SNX6: variants seen among roughly 807,000 people sequenced by gnomAD.
SNX6 encodes sorting nexin-6.
SNX6 carries 34 observed loss-of-function variants against 63.0 expected under a neutral mutation model. The ratio of observed to expected loss-of-function variants is 0.54; its 90% CI spans 0.41 to 0.72. SNX6 has a LOEUF of 0.72. Among genes scored for constraint, SNX6 ranks in the 30% least tolerant of loss-of-function variants. SNX6 has a pLI of 0.00. For synonymous variants in SNX6, 170 were observed against 164.2 expected (o/e 1.04, Z -0.27); for missense variants, 398 against 471.4 (o/e 0.84, Z 1.44).
At chr14:34,596,907 A>G (rs1882627230) in intron 7 of SNX6, among the ~76,000 whole-genome samples, 1 of 152,010 alleles carries the variant, frequency 6.6e-6, no homozygotes, top group African/African-American at 2.4e-5. Flanking sequence ...CCTGACCTCA[A>G]ATGATCCACC....
chr14:34,581,502 A>G (rs1881933100), intron 10 of SNX6, 59 bp downstream of exon 10: 2 of 1,003,196 alleles, frequency 2.0e-6, no homozygotes, highest in Non-Finnish European at 3.0e-6. Context: ...AAAAACCTTT[A>G]ACATGAGCTC....
At chr14:34,611,493 A>AG (rs1341236820) in intron 2 of SNX6, among the ~76,000 whole-genome samples, 5 of 150,698 alleles carry the variant, frequency 3.3e-5, no homozygotes, top group East Asian at 2.0e-4. Flanking sequence ...AAAAAAAAAA[A>AG]GGGGGGGAGG....
At chr14:34,600,477 T>G (rs1180469910) in intron 6 of SNX6, among the ~76,000 whole-genome samples, 1 of 150,874 alleles carries the variant, frequency 6.6e-6, no homozygotes, top group African/African-American at 2.4e-5. Context: ...CAGGTCTCAC[T>G]ATGTTGCCCA....
At chr14:34,600,341 G>A (rs1430306304) in intron 6 of SNX6, among the ~76,000 whole-genome samples, 1 of 152,118 alleles carries the variant, frequency 6.6e-6, no homozygotes, top group Non-Finnish European at 1.5e-5. Flanking sequence ...GCCCAGGCTG[G>A]TCTTGAACTA....
chr14:34,578,937 C>CAAAAAAAAAAAAAAAAAAA lies in SNX6; in HGVS notation c.834+2605_834+2623dup. Among the ~76,000 whole-genome samples the CAAAAAAAAAAAAAAAAAAA allele has an allele frequency of 3.5e-4, 8 of 22,540 alleles. 1 individual carries two copies. The highest frequency in any genetic ancestry group is 5.6e-4 in the Non-Finnish European group (6 of 10,786). The allele number at this position is 22,540 out of a possible 152,430, so 14.8% of individuals were successfully genotyped here. A position where few individuals can be genotyped will look rare whatever the true frequency, so the allele number is the denominator to read the frequency against. ...CTGGCGACAGAGCGAGACTTCATCT[C>CAAAAAAAAAAAAAAAAAAA]AAAAAAAAAAAAAAAAAAAAAAAAA... On this transcript the variant is annotated intron_variant, in intron 10 of 13. Transcript: ENST00000362031.
At chr14:34,622,176 G>A (rs1162728330) in intron 2 of SNX6, among the ~76,000 whole-genome samples, 3 of 149,542 alleles carry the variant, frequency 2.0e-5, no homozygotes, top group East Asian at 2.0e-4. Context: ...TGGCCAGGCT[G>A]GTGTTGAACT....
chr14:34,592,389 A>G (rs531302079), intron 8 of SNX6, among the ~76,000 whole-genome samples: 23 of 149,892 alleles, frequency 1.5e-4, no homozygotes, highest in African/African-American at 5.1e-4. Context: ...TGTCTCAAAG[A>G]AAAAAAAAAG....
intron 5 of SNX6, chr14:34,603,987 G>A (rs1882921343): frequency 4.2e-6 from 2 of 477,098 alleles, no homozygotes; most frequent in African/African-American, 2.1e-5. Context: ...CCAAAGAAAT[G>A]TGTTTAAAAT....
intron 10 of SNX6, among the ~76,000 whole-genome samples, chr14:34,579,158 T>C (rs1014058352): frequency 2.0e-5 from 3 of 151,992 alleles, no homozygotes; most frequent in Non-Finnish European, 4.4e-5. Context: ...ATATGATCCA[T>C]CAATTCCCCT....
At chr14:34,575,987 T>C (rs1165287740) in intron 10 of SNX6, 145 bp from the exon 11 acceptor site, 7 of 349,584 alleles carry the variant, frequency 2.0e-5, no homozygotes, top group Admixed American at 4.6e-5. Context: ...GCAGTGGCGC[T>C]ATCTTGGCTC....
intron 2 of SNX6, among the ~76,000 whole-genome samples, chr14:34,611,340 A>G (rs1257882162): frequency 6.6e-6 from 1 of 152,160 alleles, no homozygotes; most frequent in Non-Finnish European, 1.5e-5. Flanking sequence ...AGCCGGGCAC[A>G]TGTTGTACAC....
intron 2 of SNX6, among the ~76,000 whole-genome samples, chr14:34,611,748 CAAAAAAAAA>C (rs1171892665): frequency 1.9e-5 from 2 of 107,160 alleles, no homozygotes; most frequent in African/African-American, 3.6e-5. Context: ...GACACTGTCT[CAAAAAAAAA>C]AAAAAAAAAA....
At chr14:34,622,978 TTTAC>T (rs1594752487) in intron 2 of SNX6, among the ~76,000 whole-genome samples, 1 of 152,208 alleles carries the variant, frequency 6.6e-6, no homozygotes, top group African/African-American at 2.4e-5. Flanking sequence ...TCATTATGTC[TTTAC>T]TACTACCCCT....
At chr14:34,598,846 T>C (rs1272588519) in intron 6 of SNX6, among the ~76,000 whole-genome samples, 2 of 152,152 alleles carry the variant, frequency 1.3e-5, no homozygotes, top group Non-Finnish European at 2.9e-5. Flanking sequence ...ACTGCACCTG[T>C]GAATAGCCAC....
At chr14:34,577,787 C>T (rs959642599) in intron 10 of SNX6, among the ~76,000 whole-genome samples, 1 of 152,048 alleles carries the variant, frequency 6.6e-6, no homozygotes, top group Non-Finnish European at 1.5e-5. Context: ...AAGGGAGAAT[C>T]ATTAGTAACA....
chr14:34,568,197 T>C (rs1275077747), intron 11 of SNX6, among the ~76,000 whole-genome samples, 184 bp from the exon 12 acceptor site: 2 of 150,816 alleles, frequency 1.3e-5, no homozygotes, highest in Non-Finnish European at 2.9e-5. Flanking sequence ...CAGGCTGGAA[T>C]GCAATGGCGT....
At chr14:34,616,019 G>C (rs1883406762) in intron 2 of SNX6, among the ~76,000 whole-genome samples, 1 of 152,182 alleles carries the variant, frequency 6.6e-6, no homozygotes, top group Non-Finnish European at 1.5e-5. Context: ...GCAGTGGCGT[G>C]ATCTTGGCTC....
intron 8 of SNX6, among the ~76,000 whole-genome samples, chr14:34,592,474 T>C (rs769121990): frequency 6.6e-6 from 1 of 152,170 alleles, no homozygotes; most frequent in African/African-American, 2.4e-5. Context: ...TGTATGTAAT[T>C]ACGCAGCAGC....
intron 9 of SNX6, among the ~76,000 whole-genome samples, chr14:34,584,938 C>A (rs7152864): frequency 0.074 from 11,225 of 151,858 alleles, 884 homozygotes; most frequent in African/African-American, 0.2. Context: ...ACGCAACCTT[C>A]GTCTCCTGGG....
Sources: gnomAD v4.1 joint callset for allele counts (sites outside exome capture counted in the v4.1 genomes callset) on GRCh38, gnomAD v4.1.1 for gene constraint, MANE v1.5 for transcripts, NCBI Gene and HGNC (gene_info 2026-07-23, HGNC 2026-07-21) for gene names.